The following PLXNC1 variants were observed in gnomAD, a reference collection of about 807,000 sequenced individuals.
PLXNC1 encodes the protein plexin-C1.
A neutral mutation model predicts 178.2 loss-of-function variants in PLXNC1; 75 were observed. The observed-to-expected ratio is 0.42, with a 90% confidence interval of 0.35 to 0.51. PLXNC1 has a LOEUF of 0.51. Ranked by LOEUF, PLXNC1 falls within the 20% of genes least tolerant of loss-of-function variation. The pLI, the probability that PLXNC1 is intolerant of heterozygous loss-of-function variation, is 0.02. For synonymous variants in PLXNC1, 790 were observed against 779.9 expected (o/e 1.01, Z -0.22); for missense variants, 1,503 against 1,984.4 (o/e 0.76, Z 4.61).
At chr12:94,182,744 A>T (rs1962359386) in intron 3 of PLXNC1, among the ~76,000 whole-genome samples, 1 of 152,024 alleles carries the variant, frequency 6.6e-6, no homozygotes, top group Admixed American at 6.6e-5. Flanking sequence ...AAAAAAAAGA[A>T]AGAAGAAGAA....
intron 4 of PLXNC1, among the ~76,000 whole-genome samples, chr12:94,194,612 G>T (rs1962849931): frequency 6.6e-6 from 1 of 152,124 alleles, no homozygotes; most frequent in Admixed American, 6.5e-5. Context: ...AAATTAGCTG[G>T]GTGTGGTGGC....
chr12:94,250,051 C>T (rs1030533036), intron 14 of PLXNC1, among the ~76,000 whole-genome samples: 8 of 151,944 alleles, frequency 5.3e-5, no homozygotes, highest in African/African-American at 1.9e-4. Flanking sequence ...TGGGAACAAG[C>T]CATGGGCTAT....
intron 21 of PLXNC1, among the ~76,000 whole-genome samples, chr12:94,273,227 C>A (rs1965693392): frequency 6.6e-6 from 1 of 152,156 alleles, no homozygotes; most frequent in Admixed American, 6.5e-5. Flanking sequence ...ATATTCTTTT[C>A]TTTACCATAT....
intron 5 of PLXNC1, among the ~76,000 whole-genome samples, chr12:94,215,355 A>G (rs1425519561): frequency 6.6e-6 from 1 of 152,246 alleles, no homozygotes; most frequent in Non-Finnish European, 1.5e-5. Flanking sequence ...GTGAGAAGAT[A>G]TCATAAAAAT....
chr12:94,216,099 C>G (rs930459509), intron 5 of PLXNC1, among the ~76,000 whole-genome samples: 4 of 152,026 alleles, frequency 2.6e-5, no homozygotes, highest in Non-Finnish European at 4.4e-5. Flanking sequence ...AACACTGTCT[C>G]TACTACAAAT....
chr12:94,278,821 C>A (rs1478389088), intron 21 of PLXNC1, among the ~76,000 whole-genome samples: 1 of 152,060 alleles, frequency 6.6e-6, no homozygotes, highest in East Asian at 1.9e-4. Flanking sequence ...CATGGTGAAA[C>A]CCCGTCTCTA....
chr12:94,231,685 A>G (rs774087487), intron 9 of PLXNC1, among the ~76,000 whole-genome samples: 31 of 152,068 alleles, frequency 2.0e-4, no homozygotes, highest in Admixed American at 3.3e-4. Flanking sequence ...ACAATAGAGA[A>G]ATGAGCTCAA....
intron 22 of PLXNC1, among the ~76,000 whole-genome samples, chr12:94,280,371 C>T (rs2136138096): frequency 6.6e-6 from 1 of 152,320 alleles, no homozygotes; most frequent in South Asian, 2.1e-4. Flanking sequence ...TGGTGACAGA[C>T]AGTGTAACGA....
Position 94,251,924 on chromosome 12 carries a change from C to T in PLXNC1, c.2881+396C>T, listed in dbSNP as rs561136713. ...GGAAGAATTGCTTGAACCCGGGAGGCGGAGGTTGCAGTGAGCCGAGATCAC... is the reference window on the plus strand; with the variant it reads ...GGAAGAATTGCTTGAACCCGGGAGGTGGAGGTTGCAGTGAGCCGAGATCAC... On this transcript the variant is annotated intron_variant, in intron 15 of 30. Transcript: ENST00000258526. Among the ~76,000 whole-genome samples the T allele has an allele frequency of 6.6e-5, 10 of 151,094 alleles. No individual in the cohort carries two copies. In the East Asian group the frequency reaches 1.8e-3, roughly 27 times the overall value.
chr12:94,253,565 T>C (rs1210880206), intron 15 of PLXNC1, among the ~76,000 whole-genome samples: 2 of 152,216 alleles, frequency 1.3e-5, no homozygotes, highest in Admixed American at 6.5e-5. Context: ...CACCCTTTCT[T>C]AGACATGCAC....
intron 17 of PLXNC1, among the ~76,000 whole-genome samples, chr12:94,257,860 T>G (rs1964894587): frequency 6.6e-6 from 1 of 151,924 alleles, no homozygotes; most frequent in South Asian, 2.1e-4. Flanking sequence ...TGAGCCGAGA[T>G]AGCGCCACAC....
intron 17 of PLXNC1, chr12:94,256,221 C>T (rs1964835180): frequency 6.6e-6 from 1 of 152,146 alleles, no homozygotes; most frequent in Non-Finnish European, 1.5e-5. Context: ...TATCACCTTA[C>T]CAGAAGCTTC....
chr12:94,159,051 A>G (rs1961278954), intron 1 of PLXNC1, among the ~76,000 whole-genome samples: 1 of 152,242 alleles, frequency 6.6e-6, no homozygotes, highest in Non-Finnish European at 1.5e-5. Context: ...GTTGGAGGCA[A>G]AGCACCTTAT....
chr12:94,153,941 T>A (rs1961057479), intron 1 of PLXNC1, among the ~76,000 whole-genome samples: 1 of 152,226 alleles, frequency 6.6e-6, no homozygotes, highest in Non-Finnish European at 1.5e-5. Context: ...CTTCTTGTGA[T>A]GTTTATTTCT....
At chr12:94,187,846 T>C (rs957242858) in intron 4 of PLXNC1, among the ~76,000 whole-genome samples, 1 of 152,062 alleles carries the variant, frequency 6.6e-6, no homozygotes, top group African/African-American at 2.4e-5. Context: ...GAGTTGGTAG[T>C]ATTTTAGATG....
intron 1 of PLXNC1, among the ~76,000 whole-genome samples, chr12:94,164,526 C>G (rs1961516813): frequency 6.6e-6 from 1 of 152,160 alleles, no homozygotes. Context: ...GCCTTTCACA[C>G]CCTGGAATGC....
intron 5 of PLXNC1, among the ~76,000 whole-genome samples, chr12:94,216,915 C>T (rs1474677645): frequency 1.3e-5 from 2 of 152,278 alleles, no homozygotes; most frequent in Admixed American, 6.5e-5. Context: ...AAGCCATCAG[C>T]CTGGTAAGGA....
At chr12:94,279,727 C>G (rs772493523) in intron 22 of PLXNC1, 78 bp downstream of exon 22, 4 of 1,226,448 alleles carry the variant, frequency 3.3e-6, no homozygotes, top group Non-Finnish European at 4.6e-6. Context: ...CCTGTCCCCC[C>G]TCCCTGCCCC....
intron 5 of PLXNC1, among the ~76,000 whole-genome samples, chr12:94,217,538 C>T (rs1291926372): frequency 6.6e-6 from 1 of 152,180 alleles, no homozygotes; most frequent in African/African-American, 2.4e-5. Flanking sequence ...ACTACATACA[C>T]CTAAAGCTGA....
Sources: allele counts gnomAD v4.1 joint callset (sites outside exome capture counted in the v4.1 genomes callset), GRCh38; gene constraint gnomAD v4.1.1; transcripts MANE v1.5; gene names NCBI Gene and HGNC (gene_info 2026-07-23, HGNC 2026-07-21).